Variants in CRTC1 observed in about 807,000 individuals in gnomAD.
CRTC1 encodes the protein CREB-regulated transcription coactivator 1.
CRTC1 carries 18 observed loss-of-function variants against 66.1 expected under a neutral mutation model. The ratio of observed to expected loss-of-function variants is 0.27; its 90% CI spans 0.19 to 0.40. The LOEUF is 0.40. Among genes scored for constraint, CRTC1 ranks in the 10% least tolerant of loss-of-function variants. The pLI is 1.00. For missense variants in CRTC1, 669 were observed against 887.9 expected (o/e 0.75, Z 3.13); for synonymous variants, 416 against 398.8 (o/e 1.04, Z -0.51).
chr19:18,712,303 G>T (rs1361488713), intron 1 of CRTC1, among the ~76,000 whole-genome samples: 3 of 152,018 alleles, frequency 2.0e-5, no homozygotes, highest in African/African-American at 7.2e-5. Flanking sequence ...CCGTTGCCCA[G>T]GCTGGAGTTC....
At chr19:18,686,480 C>G (rs1490262010) in intron 1 of CRTC1, among the ~76,000 whole-genome samples, 1 of 152,230 alleles carries the variant, frequency 6.6e-6, no homozygotes, top group African/African-American at 2.4e-5. Context: ...AAACCCGTCT[C>G]CACTAAAAAT....
intron 1 of CRTC1, among the ~76,000 whole-genome samples, chr19:18,731,692 C>T (rs2053892175): frequency 6.6e-6 from 1 of 152,130 alleles, no homozygotes; most frequent in South Asian, 2.1e-4. Context: ...CGCTAGCCCC[C>T]TTGCGTCCCC....
Position 18,716,019 on chromosome 19 carries a change from G to A in CRTC1, c.127-26891G>A, listed in dbSNP as rs80326356. Among the ~76,000 whole-genome samples the A allele has an allele frequency of 6.0e-3, 912 of 152,262 alleles. 18 individuals are homozygous for A. The highest frequency in any genetic ancestry group is 0.021 in the African/African-American group (862 of 41,544). On this transcript the variant is annotated intron_variant, in intron 1 of 13. Transcript: ENST00000321949. Reference sequence around the variant, plus strand: ...GGCGGGGGGGGTGTCGCCAAAGAGCGGGGATGCTGAGAATGGTCCCCTTGC... The same window carrying A: ...GGCGGGGGGGGTGTCGCCAAAGAGCAGGGATGCTGAGAATGGTCCCCTTGC...
intron 6 of CRTC1, among the ~76,000 whole-genome samples, chr19:18,758,359 C>CT (rs201514775): frequency 0.011 from 1,568 of 142,838 alleles, 17 homozygotes; most frequent in South Asian, 0.023. Context: ...GACTCCGTCT[C>CT]TAAAAAAAAA....
intron 1 of CRTC1, among the ~76,000 whole-genome samples, chr19:18,706,453 C>T (rs144437175): frequency 5.3e-5 from 8 of 151,856 alleles, no homozygotes; most frequent in African/African-American, 1.2e-4. Flanking sequence ...TGATCCCCCC[C>T]GCCTTGGCCT....
Position 18,758,363 on chromosome 19 carries a change from AAAAAAAAAAAAAG to A in CRTC1, c.625-1184_625-1172del, listed in dbSNP as rs565223397. ...AGACAGAGTGAGACTCCGTCTCTAA[AAAAAAAAAAAAAG>A]AAAGAAAAAAAAGGCAGAGGAGCCC... is the stretch of plus-strand genomic sequence containing the variant. On this transcript the variant is annotated intron_variant, in intron 6 of 13. Transcript: ENST00000321949. Among the ~76,000 whole-genome samples the A allele has an allele frequency of 2.8e-3, 425 of 150,390 alleles. 2 individuals carry two copies. The highest frequency in any genetic ancestry group is 4.5e-3 in the Non-Finnish European group (301 of 67,494).
chr19:18,755,906 T>C (rs563547508), intron 6 of CRTC1, among the ~76,000 whole-genome samples: 1 of 152,094 alleles, frequency 6.6e-6, no homozygotes, highest in Non-Finnish European at 1.5e-5. Context: ...CTGGCCTATT[T>C]TTTAATTTTT....
In CRTC1 at chr19:18,755,957, C is replaced by T. The variant is rs186258946; in HGVS notation, c.624+2372C>T. ...CTCACTATGTTGCCCAGGTTAGTCT[C>T]AAACTCCTGGGCTCGGTCTCTGTGT... On this transcript the variant is annotated intron_variant, in intron 6 of 13. Coordinates refer to ENST00000321949, the MANE Select transcript of CRTC1 (RefSeq NM_015321.3). 2.0e-5 allele frequency among the ~76,000 whole-genome samples: 3 copies of T among 152,178 alleles called. No homozygotes were observed. In the East Asian group the frequency reaches 5.8e-4, roughly 29 times the overall value.
chr19:18,687,327 G>A (rs922173898), intron 1 of CRTC1, among the ~76,000 whole-genome samples: 1 of 152,124 alleles, frequency 6.6e-6, no homozygotes, highest in Non-Finnish European at 1.5e-5. Context: ...CCCAGCCAAG[G>A]CTGAGAAACT....
chr19:18,749,996 G>C (rs563016015), intron 5 of CRTC1, 121 bp downstream of exon 5: 2 of 775,652 alleles, frequency 2.6e-6, no homozygotes, highest in Non-Finnish European at 4.4e-6. Flanking sequence ...CTCAGACCAT[G>C]CTGAGGGATC....
At chr19:18,698,946 G>T (rs2053066491) in intron 1 of CRTC1, among the ~76,000 whole-genome samples, 1 of 151,800 alleles carries the variant, frequency 6.6e-6, no homozygotes, top group African/African-American at 2.4e-5. Context: ...GCGCTCAGCA[G>T]GTGCATAATG....
rs567195770 is a variant in CRTC1, at chr19:18,746,352, C to T, written c.381+392C>T. Among the ~76,000 whole-genome samples the T allele has an allele frequency of 1.0e-3, 157 of 152,248 alleles. 2 individuals are homozygous for T. Among genetic ancestry groups the T allele is most frequent in the Admixed American group, 9.2e-3 (141 of 15,300 alleles). On this transcript the variant is annotated intron_variant, in intron 3 of 13. Coordinates refer to ENST00000321949, the MANE Select transcript of CRTC1 (RefSeq NM_015321.3). ...TCCTACGCGCTGCACGGAGGGCAGC[C>T]CAGCCAAGGCAATGGGGCTAAGGGG...
At position 18,774,754 on chromosome 19, in the gene CRTC1, C is replaced by G. The variant is rs1477964654; in HGVS notation, c.1426-146C>G. 3 of 732,020 alleles carry G rather than the reference C, an allele frequency of 4.1e-6. No homozygotes were observed. In the South Asian group the frequency reaches 5.2e-5, roughly 13 times the overall value. The allele number at this position is 732,020 out of a possible 1,614,324, so 45.3% of individuals were successfully genotyped here. ...AGTCATCCAGGATTGGGGGGCACTT[C>G]TGGAACCCCAAAATAAGCATCATCA... On this transcript the variant is annotated intron_variant, in intron 11 of 13. Transcript: ENST00000321949.
rs2054101890 is a variant in CRTC1 at position 18,741,110 on chromosome 19, C to A, written c.127-1800C>A. Among the ~76,000 whole-genome samples, 1 of 152,212 alleles carries A rather than the reference C, an allele frequency of 6.6e-6. No individual in the cohort carries two copies. Among genetic ancestry groups the A allele is most frequent in the South Asian group, 2.1e-4 (1 of 4,832 alleles). Reference sequence around the variant, plus strand: ...TGCTCCGAAGCCTGAGTGCCTCCAGCAAAGTGGACAGGAGCTGGGAATTGT... The same window carrying A: ...TGCTCCGAAGCCTGAGTGCCTCCAGAAAAGTGGACAGGAGCTGGGAATTGT... On this transcript the variant is annotated intron_variant, in intron 1 of 13. Coordinates refer to ENST00000321949, the MANE Select transcript of CRTC1 (RefSeq NM_015321.3). This position sits in a 1 kb window ranked among gnomAD's most constrained non-coding sequence, Gnocchi z 4.2.
chr19:18,777,563 G>A lies in CRTC1; in HGVS notation c.*181G>A, dbSNP rs1393338130. On this transcript the variant is annotated 3_prime_UTR_variant, in exon 14 of 14. Coordinates refer to ENST00000321949, the MANE Select transcript of CRTC1 (RefSeq NM_015321.3). The surrounding 1 kb of genome is among the most constrained non-coding windows in gnomAD (Gnocchi z 5.5). ...TCCCGCGAAGCCCAATCGCGAGGCC[G>A]CGAGCCGGGCCGTCCACCCACCCGC... 8.4e-6 allele frequency: 5 copies of A among 592,276 alleles called. No individual in the cohort carries two copies. In the Admixed American group the frequency reaches 1.0e-4, roughly 12 times the overall value. 36.7% of individuals were successfully genotyped at this position (592,276 alleles called of 1,614,324 possible).
chr19:18,758,858 C>T (rs1407967878), intron 6 of CRTC1, among the ~76,000 whole-genome samples: 3 of 152,220 alleles, frequency 2.0e-5, no homozygotes, highest in Non-Finnish European at 4.4e-5. Context: ...AGAGGCAACT[C>T]CTGCCCCCGG....
chr19:18,743,981 G>A (rs2054170779), intron 2 of CRTC1: 11 of 905,778 alleles, frequency 1.2e-5, no homozygotes, highest in South Asian at 1.6e-5. Context: ...GTGGGGCTGA[G>A]GGGCACAGGA....
rs2055114808 is a variant in CRTC1 at position 18,782,118 on chromosome 19, T to A, written c.*4736T>A. On this transcript the variant is annotated 3_prime_UTR_variant, in exon 14 of 14. Coordinates refer to ENST00000321949, the MANE Select transcript of CRTC1 (RefSeq NM_015321.3). ...GTCCGAGCCCTGTTCCTGCCTGTGC[T>A]CCTCTGTGCCCAGGCTGGCTCTCCC... 1.3e-5 allele frequency: 3 copies of A among 223,868 alleles called. No homozygotes were observed. The highest frequency in any genetic ancestry group is 2.7e-5 in the Non-Finnish European group (3 of 112,254). 13.9% of individuals were successfully genotyped at this position (223,868 alleles called of 1,614,324 possible).
chr19:18,688,513 A>C (rs2052744790), intron 1 of CRTC1, among the ~76,000 whole-genome samples: 1 of 151,838 alleles, frequency 6.6e-6, no homozygotes, highest in South Asian at 2.1e-4. Flanking sequence ...ATCTTGACTC[A>C]CTGCAACCTC....
Sources: gnomAD v4.1 joint callset for allele counts (sites outside exome capture counted in the v4.1 genomes callset) on GRCh38, gnomAD v4.1.1 for gene constraint, Gnocchi (gnomAD v3.1) non-coding constraint, MANE v1.5 for transcripts, NCBI Gene and HGNC (gene_info 2026-07-23, HGNC 2026-07-21) for gene names.